FRYL: variants seen among roughly 807,000 people sequenced by gnomAD.
FRYL encodes FRY like transcription coactivator, also known as protein furry homolog-like.
Under a neutral mutation model 351.2 loss-of-function variants are expected in FRYL, and 150 were observed. That is an observed-to-expected ratio of 0.43 (90% CI 0.37 to 0.49). FRYL has a LOEUF of 0.49. FRYL is among the 20% of genes least tolerant of loss of function. The pLI is 0.00. For synonymous variants in FRYL, 1,153 were observed against 1,257.1 expected, an observed-to-expected ratio of 0.92 and a Z score of 1.75; for missense variants, 3,036 against 3,619.3, an observed-to-expected ratio of 0.84 and a Z score of 4.13.
At chr4:48,629,692 AC>A (rs1404472347) in intron 4 of FRYL, among the ~76,000 whole-genome samples, 1 of 152,148 alleles carries the variant, frequency 6.6e-6, no homozygotes, top group African/African-American at 2.4e-5. Flanking sequence ...AGAAGATGAC[AC>A]TTGAGGCACA....
At chr4:48,596,189 C>G (rs763302803) in intron 13 of FRYL, among the ~76,000 whole-genome samples, 189 bp from the exon 14 acceptor site, 18 of 151,810 alleles carry the variant, frequency 1.2e-4, no homozygotes, top group Non-Finnish European at 2.2e-4. Context: ...GGAAATTGAG[C>G]CCTTTCTTAC....
chr4:48,596,122 T>C, intron 13 of FRYL, 122 bp from the exon 14 acceptor site: 1 of 653,872 alleles, frequency 1.5e-6, no homozygotes, highest in South Asian at 2.0e-5. Context: ...TAGGTTTAAA[T>C]ACCAGGTACA....
At chr4:48,671,107 G>A (rs1483945657) in intron 3 of FRYL, among the ~76,000 whole-genome samples, 3 of 152,034 alleles carry the variant, frequency 2.0e-5, no homozygotes, top group Non-Finnish European at 2.9e-5. Flanking sequence ...CCTCACCAGC[G>A]TTTGTTACTG....
intron 2 of FRYL, among the ~76,000 whole-genome samples, chr4:48,691,995 T>A (rs1225672814): frequency 6.6e-6 from 1 of 152,186 alleles, no homozygotes; most frequent in African/African-American, 2.4e-5. Context: ...CAACTATAAT[T>A]TAGAAAATTA....
intron 13 of FRYL, among the ~76,000 whole-genome samples, chr4:48,600,463 T>C (rs1745477538): frequency 6.6e-6 from 1 of 152,244 alleles, no homozygotes; most frequent in Middle Eastern, 3.4e-3. Context: ...CAGATTGACA[T>C]AGCCATTAAT....
chr4:48,567,302 C>T lies in FRYL; in HGVS notation c.3115G>A (p.Asp1039Asn), dbSNP rs1737002248. Reference protein sequence around the residue: ...ENEKDSDTLKDIRCHFSALVA... With the variant: ...ENEKDSDTLKNIRCHFSALVA... ...AAGGCACTAAAATGGCATCGTATATCCTTCAGTGTGTCAGAGTCTTTTTCA... is the reference window on the plus strand; with the variant it reads ...AAGGCACTAAAATGGCATCGTATATTCTTCAGTGTGTCAGAGTCTTTTTCA... Residue 1039 changes from aspartate to asparagine, a missense_variant, in exon 28 of 64, where the codon GAT (aspartate) becomes AAT (asparagine). Transcript: ENST00000358350. The surrounding 1 kb of genome is among the most constrained non-coding windows in gnomAD (Gnocchi z 4.2). 4 of 1,612,664 alleles carry T rather than the reference C, an allele frequency of 2.5e-6. No homozygotes were observed.
intron 3 of FRYL, among the ~76,000 whole-genome samples, chr4:48,673,186 T>C (rs1762996796): frequency 2.0e-5 from 3 of 152,196 alleles, no homozygotes; most frequent in Non-Finnish European, 2.9e-5. Flanking sequence ...AAAATAGCCA[T>C]TTACTTAATC....
chr4:48,689,872 T>C (rs1041033276), intron 2 of FRYL, among the ~76,000 whole-genome samples: 49 of 151,654 alleles, frequency 3.2e-4, no homozygotes, highest in Non-Finnish European at 5.4e-4. Context: ...CCATTTATAG[T>C]AGGTTTTTTA....
At chr4:48,676,485 G>A (rs943942497) in intron 3 of FRYL, among the ~76,000 whole-genome samples, 33 of 152,078 alleles carry the variant, frequency 2.2e-4, no homozygotes, top group African/African-American at 7.2e-4. Context: ...CAATTCCGGG[G>A]ACACTCCTGC....
intron 1 of FRYL, among the ~76,000 whole-genome samples, chr4:48,744,163 T>G (rs2149653180): frequency 6.6e-6 from 1 of 152,110 alleles, no homozygotes; most frequent in African/African-American, 2.4e-5. Context: ...GGGGGGTGAT[T>G]GCTAATGGGT....
chr4:48,658,918 A>G (rs1438760365), intron 3 of FRYL, among the ~76,000 whole-genome samples: 2 of 152,184 alleles, frequency 1.3e-5, no homozygotes, highest in Non-Finnish European at 2.9e-5. Context: ...AAATACCACA[A>G]CAAAATGCTA....
intron 3 of FRYL, among the ~76,000 whole-genome samples, chr4:48,650,772 T>C (rs1339979071): frequency 6.6e-6 from 1 of 152,026 alleles, no homozygotes; most frequent in East Asian, 1.9e-4. Flanking sequence ...TTACCAGCAA[T>C]GTGGAAGATG....
intron 2 of FRYL, among the ~76,000 whole-genome samples, chr4:48,688,953 G>A (rs972161047): frequency 2.6e-5 from 4 of 151,960 alleles, no homozygotes; most frequent in Non-Finnish European, 4.4e-5. Context: ...GTGAGCTACC[G>A]CGGCCAGCCT....
At chr4:48,578,877 C>G (rs1389358482) in intron 23 of FRYL, 96 bp downstream of exon 23, 34 of 1,029,916 alleles carry the variant, frequency 3.3e-5, no homozygotes, top group Middle Eastern at 4.4e-4. Flanking sequence ...TATTTATGGG[C>G]CTTCCAATCT....
Position 48,551,539 on chromosome 4 carries a change from T to A in FRYL, c.4475A>T (p.Asp1492Val). 1 of 1,611,978 alleles carries A rather than the reference T, an allele frequency of 6.2e-7. No homozygotes were observed. The highest frequency in any genetic ancestry group is 1.1e-5 in the South Asian group (1 of 90,824). ...SSSNTMVAPT[D>V]GNPDNKPIKE... ...AATGGGCTTATTATCAGGATTGCCA[T>A]CTGTGGGAGCTACCATTGTATTGCT... The change falls in exon 37 of 64, where the codon GAT becomes GTT. Residue 1492 changes from aspartate to valine, a missense_variant. Physicochemically the swap from Asp to Val is radical, Grantham distance 152 (BLOSUM62 -3). Around this residue, in one of 7 missense-constraint regions of FRYL, gnomAD observed 1,987 missense variants for 2,311.7 expected, o/e 0.86. Transcript: ENST00000358350.
intron 12 of FRYL, among the ~76,000 whole-genome samples, 176 bp downstream of exon 12, chr4:48,603,114 C>T (rs1315647770): frequency 6.6e-6 from 1 of 152,124 alleles, no homozygotes; most frequent in Non-Finnish European, 1.5e-5. Context: ...AAATTAAGAA[C>T]AGAACATTTA....
chr4:48,531,430 A>G (rs1727596565), intron 49 of FRYL, 77 bp from the exon 50 acceptor site: 2 of 830,874 alleles, frequency 2.4e-6, no homozygotes, highest in Non-Finnish European at 3.9e-6. Flanking sequence ...TGTACACCAT[A>G]AAAATATTAT....
chr4:48,630,353 C>T (rs1343492797), intron 4 of FRYL, among the ~76,000 whole-genome samples: 1 of 152,054 alleles, frequency 6.6e-6, no homozygotes, highest in Non-Finnish European at 1.5e-5. Context: ...GGAGAAGAAA[C>T]CCTTTAAGAC....
At chr4:48,726,108 T>G (rs1360625440) in intron 1 of FRYL, among the ~76,000 whole-genome samples, 1 of 152,206 alleles carries the variant, frequency 6.6e-6, no homozygotes, top group East Asian at 1.9e-4. Context: ...TACTTGCTTT[T>G]CTAAGATATA....
Sources: gnomAD v4.1 joint callset for allele counts (sites outside exome capture counted in the v4.1 genomes callset) on GRCh38, gnomAD v4.1.1 for gene constraint, gnomAD v4.1.1 regional missense constraint, Gnocchi (gnomAD v3.1) non-coding constraint, MANE v1.5 for transcripts, NCBI Gene and HGNC (gene_info 2026-07-23, HGNC 2026-07-21) for gene names.